The following BOD1L1 variants were observed in gnomAD, a reference collection of about 807,000 sequenced individuals.
BOD1L1 encodes biorientation of chromosomes in cell division 1 like 1.
Under a neutral mutation model 240.7 loss-of-function variants are expected in BOD1L1, and 86 were observed. That is an observed-to-expected ratio of 0.36 (90% CI 0.30 to 0.43). The LOEUF (loss-of-function observed/expected upper bound fraction) is 0.43, where lower values mean the gene tolerates loss of function less well. Ranked by LOEUF, BOD1L1 falls within the 20% of genes least tolerant of loss-of-function variation. BOD1L1 has a pLI of 1.00. For synonymous variants in BOD1L1, 1,268 were observed against 1,272.3 expected (o/e 1.00, Z 0.07); for missense variants, 3,554 against 3,643.5 (o/e 0.98, Z 0.63).
Position 13,627,392 on chromosome 4 carries a change from G to GC in BOD1L1, c.195dup (p.Leu66AlafsTer27). On this transcript the variant is annotated frameshift_variant, in exon 1 of 26. Transcript: ENST00000040738. LOFTEE classifies it high-confidence loss of function. ...CAGTCTCTGCGGAACTGGTCGAAGA[G>GC]CCCCTGGCTCTTGAGGTGGTTCACG... 7.2e-7 allele frequency: 1 copy of GC among 1,391,970 alleles called. No homozygotes were observed. Among genetic ancestry groups the GC allele is most frequent in the Non-Finnish European group, 9.4e-7 (1 of 1,061,658 alleles). The allele number at this position is 1,391,970 out of a possible 1,614,324, so 86.2% of individuals were successfully genotyped here.
chr4:13,622,582 A>C (rs1423118667), intron 1 of BOD1L1, among the ~76,000 whole-genome samples: 1 of 152,118 alleles, frequency 6.6e-6, no homozygotes, highest in African/African-American at 2.4e-5. Flanking sequence ...AAATTCTCTC[A>C]ACAGTAGCAT....
rs114343018 is a variant in BOD1L1 at position 13,582,270 on chromosome 4, C to T, written c.8559G>A (p.Glu2853=). 2.0e-3 allele frequency: 3,189 copies of T among 1,613,590 alleles called. 12 individuals carry two copies. The highest frequency in any genetic ancestry group is 2.3e-3 in the Non-Finnish European group (2,746 of 1,179,654). The change falls in exon 19 of 26, where the codon GAG becomes GAA. Residue 2853 remains glutamate (E), a synonymous_variant. Transcript: ENST00000040738. The stretch of plus-strand genomic sequence containing the variant: ...ATTTTATGGTGTCATCATCGTTCTG[C>T]TCTGGCTTTTCACCAGTAGTTTCAC... ...SSSETTGEKP[E]QNDDDTIKSQ...
chr4:13,598,994 C>T lies in BOD1L1; in HGVS notation c.7906G>A (p.Gly2636Arg), dbSNP rs778807900. The T allele has an allele frequency of 3.7e-6, 6 of 1,613,378 alleles. No individual in the cohort carries two copies. In the African/African-American group the frequency reaches 8.0e-5, roughly 22 times the overall value. Residue 2636 changes from glycine to arginine, a missense_variant, in exon 10 of 26, where the codon GGA becomes AGA. This residue lies in a region of BOD1L1 where 3,393 missense variants were observed against 3,427.1 expected (regional missense o/e 0.99). Coordinates refer to ENST00000040738, the MANE Select transcript of BOD1L1 (RefSeq NM_148894.3). ...NSTRKSFPEE[G>R]DIMVTVSSEE... ...GAAGACACAGTAACCATTATGTCTC[C>T]TTCCTCAGGGAATGATTTCCTTGTG...
intron 6 of BOD1L1, among the ~76,000 whole-genome samples, 160 bp from the exon 7 acceptor site, chr4:13,609,566 C>A (rs1715996677): frequency 6.6e-6 from 1 of 152,044 alleles, no homozygotes; most frequent in Admixed American, 6.6e-5. Context: ...ACACATTTAT[C>A]TCTGTGTGTA....
intron 12 of BOD1L1, chr4:13,593,402 A>C (rs1714373211): frequency 6.6e-6 from 1 of 152,210 alleles, no homozygotes; most frequent in African/African-American, 2.4e-5. Flanking sequence ...GGATCTGTAT[A>C]TGCTAATAAA....
intron 12 of BOD1L1, chr4:13,593,300 T>A (rs1714364934): frequency 6.6e-6 from 1 of 152,188 alleles, no homozygotes; most frequent in South Asian, 2.1e-4. Context: ...TGAAAGTTCG[T>A]TGCAGCCCTG....
intron 25 of BOD1L1, among the ~76,000 whole-genome samples, chr4:13,570,358 G>C (rs945151183): frequency 3.9e-5 from 6 of 152,218 alleles, no homozygotes; most frequent in Non-Finnish European, 8.8e-5. Flanking sequence ...TTTGAAGCCT[G>C]TGCTCTGGTT....
chr4:13,570,102 A>G lies in BOD1L1; in HGVS notation c.9065T>C (p.Ile3022Thr). The G allele has an allele frequency of 6.2e-7, 1 of 1,602,558 alleles. No homozygotes were observed. Among genetic ancestry groups the G allele is most frequent in the Non-Finnish European group, 8.5e-7 (1 of 1,175,352 alleles). Residue 3022 changes from isoleucine to threonine, a missense_variant, in exon 26 of 26, where the codon ATC becomes ACC. Ile to Thr is a moderately conservative substitution (Grantham distance 89, BLOSUM62 -1). Coordinates refer to ENST00000040738, the MANE Select transcript of BOD1L1 (RefSeq NM_148894.3). ...AGGGCTGACTTCTCTCTTGCGCTTG[A>G]TAGAAGGGGAGAGCTGTGTCTTTGA... ...QRSKTQLSPSIKRKREVSPPG... is the reference protein window; with the variant it reads ...QRSKTQLSPSTKRKREVSPPG...
At chr4:13,596,323 A>G (rs1032747787) in intron 11 of BOD1L1, among the ~76,000 whole-genome samples, 2 of 151,978 alleles carry the variant, frequency 1.3e-5, no homozygotes, top group East Asian at 3.9e-4. Context: ...TCTAGAACAC[A>G]ACATTCTCTT....
Position 13,600,999 on chromosome 4 carries a change from T to C in BOD1L1, c.5901A>G (p.Glu1967=). The C allele has an allele frequency of 6.2e-7, 1 of 1,613,794 alleles. No individual in the cohort carries two copies. The highest frequency in any genetic ancestry group is 8.5e-7 in the Non-Finnish European group (1 of 1,179,822). Residue 1967 remains glutamate, a synonymous_variant, in exon 10 of 26, where the codon GAA becomes GAG. Coordinates refer to ENST00000040738, the MANE Select transcript of BOD1L1 (RefSeq NM_148894.3). ...CACAACCTCCTGGAACTGGTGTCAC[T>C]TCATCCTTTCCTGAGACTGCACTGG... ...SVTSAVSGKD[E]VTPVPGGCEG... is the part of the protein sequence containing the mutation.
chr4:13,613,720 G>T lies in BOD1L1; in HGVS notation c.1175-59C>A. The T allele has an allele frequency of 7.6e-7, 1 of 1,310,634 alleles. No homozygotes were observed. The allele number at this position is 1,310,634 out of a possible 1,614,324, so 81.2% of individuals were successfully genotyped here. A position where few individuals can be genotyped will look rare whatever the true frequency, so the allele number is the denominator to read the frequency against. On this transcript the variant is annotated intron_variant, in intron 4 of 25. Transcript: ENST00000040738. The surrounding 1 kb of genome is among the most constrained non-coding windows in gnomAD (Gnocchi z 4.0). ...TCATCTTATTATAAGAACATACTCA[G>T]AGCTCAATTACTAAATTACACTTAA...
At chr4:13,572,571 G>A in intron 25 of BOD1L1, 1 of 953,368 alleles carries the variant, frequency 1.0e-6, no homozygotes, top group Non-Finnish European at 1.4e-6. Context: ...TGTTCTTCTT[G>A]GAAACCAATG....
intron 15 of BOD1L1, among the ~76,000 whole-genome samples, chr4:13,588,395 T>C (rs1209355178): frequency 6.6e-6 from 1 of 152,178 alleles, no homozygotes; most frequent in East Asian, 1.9e-4. Context: ...TCAAGCTATA[T>C]ATATCTTACA....
intron 10 of BOD1L1, among the ~76,000 whole-genome samples, chr4:13,597,785 T>G (rs1408362142): frequency 1.3e-5 from 2 of 152,238 alleles, no homozygotes; most frequent in African/African-American, 4.8e-5. Flanking sequence ...TAAAAACTTC[T>G]GGAGCATTCA....
At position 13,603,247 on chromosome 4, in the gene BOD1L1, G is replaced by A; in HGVS notation, c.3653C>T (p.Pro1218Leu). Residue 1218 changes from proline (P) to leucine (L), a missense_variant, in exon 10 of 26, where the codon CCT (proline) becomes CTT (leucine). By Grantham distance (98) the Pro-to-Leu change is moderately conservative. This residue lies in a region of BOD1L1 where 3,393 missense variants were observed against 3,427.1 expected (regional missense o/e 0.99). Coordinates refer to ENST00000040738, the MANE Select transcript of BOD1L1 (RefSeq NM_148894.3). ...HIQSAVSKMN[P>L]GEKEPIHRGT... Reference sequence around the variant, plus strand: ...TCTATGAATGGGTTCTTTCTCCCCAGGGTTCATTTTGGACACAGCACTTTG... The same window carrying A: ...TCTATGAATGGGTTCTTTCTCCCCAAGGTTCATTTTGGACACAGCACTTTG... The A allele has an allele frequency of 6.2e-7, 1 of 1,613,930 alleles. No individual in the cohort carries two copies. The highest frequency in any genetic ancestry group is 8.5e-7 in the Non-Finnish European group (1 of 1,179,874).
intron 16 of BOD1L1, among the ~76,000 whole-genome samples, chr4:13,587,049 G>A: frequency 6.6e-6 from 1 of 152,160 alleles, no homozygotes; most frequent in Admixed American, 6.5e-5. Context: ...TCTTTCTCAT[G>A]TAGTCATTCA....
intron 14 of BOD1L1, among the ~76,000 whole-genome samples, chr4:13,589,483 G>A (rs147402136): frequency 1.9e-4 from 29 of 152,312 alleles, no homozygotes; most frequent in South Asian, 4.1e-4. Context: ...TAAATCAACA[G>A]AACAAAATCT....
Position 13,579,896 on chromosome 4 carries a change from A to G in BOD1L1, c.8749+32T>C, listed in dbSNP as rs775764013. On this transcript the variant is annotated intron_variant, in intron 22 of 25. Transcript: ENST00000040738. ...CCAGCCTCTCCTGCCCCTCCCTCAG[A>G]TAACACACAGAGGAATGCGGTAGGT... The G allele has an allele frequency of 1.4e-5, 21 of 1,530,430 alleles. No homozygotes were observed. The South Asian group carries it at 2.6e-4, about 19-fold the overall frequency. 94.8% of individuals were successfully genotyped at this position (1,530,430 alleles called of 1,614,324 possible).
rs753750133 is a variant in BOD1L1 at position 13,604,927 on chromosome 4, G to A, written c.1973C>T (p.Thr658Ile). 1 of 1,613,584 alleles carries A rather than the reference G, an allele frequency of 6.2e-7. No individual in the cohort carries two copies. Among genetic ancestry groups the A allele is most frequent in the Non-Finnish European group, 8.5e-7 (1 of 1,179,758 alleles). Residue 658 changes from threonine (T) to isoleucine (I), a missense_variant, in exon 10 of 26, where the codon ACA (threonine) becomes ATA (isoleucine). Transcript: ENST00000040738. ...CCCCTCCATGATAACAGGGGTAGAT[G>A]TCCGTCTTTTATGTTCTCTTTCTAA... ...SKLEREHKRR[T>I]STPVIMEGVQ...
Sources: gnomAD v4.1 joint callset for allele counts (sites outside exome capture counted in the v4.1 genomes callset) on GRCh38, gnomAD v4.1.1 for gene constraint, gnomAD v4.1.1 regional missense constraint, Gnocchi (gnomAD v3.1) non-coding constraint, MANE v1.5 for transcripts, NCBI Gene and HGNC (gene_info 2026-07-23, HGNC 2026-07-21) for gene names.